Variants in ZC3H18 observed in about 807,000 individuals in gnomAD.
ZC3H18 encodes zinc finger CCCH domain-containing protein 18.
ZC3H18 carries 8 observed loss-of-function variants against 106.1 expected under a neutral mutation model. The observed-to-expected ratio is 0.08, with a 90% confidence interval of 0.04 to 0.14. The LOEUF (loss-of-function observed/expected upper bound fraction) is 0.14. Ranked by LOEUF, ZC3H18 falls within the 10% of genes least tolerant of loss-of-function variation. ZC3H18 has a pLI of 1.00. For missense variants in ZC3H18, 1,318 were observed against 1,278.4 expected, an observed-to-expected ratio of 1.03 and a Z score of -0.47; for synonymous variants, 635 against 522.1, an observed-to-expected ratio of 1.22 and a Z score of -2.95.
At chr16:88,580,092 A>T (rs979656681) in intron 2 of ZC3H18, among the ~76,000 whole-genome samples, 22 of 148,024 alleles carry the variant, frequency 1.5e-4, no homozygotes, top group African/African-American at 5.6e-4. Flanking sequence ...TTATGTGTCA[A>T]CCTCAGCATT....
Position 88,631,093 on chromosome 16 carries a change from C to A in ZC3H18, c.2664-8C>A. 3 of 1,611,418 alleles carry A rather than the reference C, an allele frequency of 1.9e-6. No homozygotes were observed. The highest frequency in any genetic ancestry group is 1.7e-6 in the Non-Finnish European group (2 of 1,179,986). ...TGGGGGCTCAAGGTCTTCCCCACCC[C>A]CTTGTAGGAAGCGCCAGCTGTCACC... is the stretch of plus-strand genomic sequence containing the variant. On this transcript the variant is annotated splice_polypyrimidine_tract_variant and splice_region_variant and intron_variant, in intron 17 of 17. Coordinates refer to ENST00000301011, the MANE Select transcript of ZC3H18 (RefSeq NM_144604.4).
chr16:88,627,411 A>G lies in ZC3H18; in HGVS notation c.2109-211A>G. On this transcript the variant is annotated intron_variant, in intron 13 of 17. Coordinates refer to ENST00000301011, the MANE Select transcript of ZC3H18 (RefSeq NM_144604.4). The surrounding 1 kb of genome is among the most constrained non-coding windows in gnomAD (Gnocchi z 4.5). The stretch of plus-strand genomic sequence containing the variant: ...AGCAGCCGTGCCTGGCTGCAACCTG[A>G]CATTGATTAGTGAAATGGGGCCCTG... 1.8e-6 allele frequency: 1 copy of G among 548,726 alleles called. No homozygotes were observed. Among genetic ancestry groups the G allele is most frequent in the Admixed American group, 3.6e-5 (1 of 27,848 alleles). 34.0% of individuals were successfully genotyped at this position (548,726 alleles called of 1,614,324 possible).
intron 16 of ZC3H18, 38 bp from the exon 17 acceptor site, chr16:88,630,447 C>T (rs371524318): frequency 2.0e-5 from 32 of 1,565,478 alleles, no homozygotes; most frequent in African/African-American, 1.3e-4. Context: ...ATTCCCTGTA[C>T]ATCAGGAGGG....
Position 88,611,549 on chromosome 16 carries a change from TC to T in ZC3H18, c.1475+15del. 1 of 1,548,434 alleles carries T rather than the reference TC, an allele frequency of 6.5e-7. No homozygotes were observed. Among genetic ancestry groups the T allele is most frequent in the Non-Finnish European group, 8.7e-7 (1 of 1,146,018 alleles). ...CGCAGCCGCCAAGGTAGACCCTGCT[TC>T]CTGAAGCCCAGGGGTGTGGGGGAGG... On this transcript the variant is annotated intron_variant, in intron 8 of 17. Coordinates refer to ENST00000301011, the MANE Select transcript of ZC3H18 (RefSeq NM_144604.4).
At chr16:88,601,953 A>G (rs1904770791) in intron 6 of ZC3H18, among the ~76,000 whole-genome samples, 1 of 152,114 alleles carries the variant, frequency 6.6e-6, no homozygotes, top group African/African-American at 2.4e-5. Context: ...TATGATTGTC[A>G]CAAAGAGCAT....
chr16:88,590,397 G>C (rs773057574), intron 3 of ZC3H18, among the ~76,000 whole-genome samples: 1 of 152,060 alleles, frequency 6.6e-6, no homozygotes. Flanking sequence ...CTTTGTGTAC[G>C]CCTGCCCGGC....
At chr16:88,624,870 G>C (rs1370625252) in intron 12 of ZC3H18, 125 bp downstream of exon 12, 1 of 1,363,044 alleles carries the variant, frequency 7.3e-7, no homozygotes, top group Non-Finnish European at 9.7e-7. Context: ...CCCCCTAGCC[G>C]AGCAGCACCC....
intron 2 of ZC3H18, among the ~76,000 whole-genome samples, chr16:88,579,320 T>C (rs1914963809): frequency 6.6e-6 from 1 of 152,094 alleles, no homozygotes. Context: ...CCCATGAGAC[T>C]GAGTTTTTGT....
chr16:88,599,761 A>C, intron 5 of ZC3H18, 30 bp from the exon 6 acceptor site: 1 of 1,597,786 alleles, frequency 6.3e-7, no homozygotes, highest in Admixed American at 1.8e-5. Context: ...ATTCTGTTCC[A>C]TGTTGACTTC....
chr16:88,586,813 TGG>T, intron 3 of ZC3H18, 129 bp downstream of exon 3: 2 of 558,796 alleles, frequency 3.6e-6, no homozygotes, highest in Non-Finnish European at 6.6e-6. Flanking sequence ...GGCTAGGTGG[TGG>T]TGGTGGTGGT....
At chr16:88,608,590 T>G (rs1905123291) in intron 6 of ZC3H18, 1 of 162,266 alleles carries the variant, frequency 6.2e-6, no homozygotes, top group Non-Finnish European at 1.3e-5. Context: ...CTCAAACTCC[T>G]GACCTCAGGT....
intron 2 of ZC3H18, among the ~76,000 whole-genome samples, chr16:88,578,420 A>AT (rs998285322): frequency 7.2e-5 from 11 of 152,182 alleles, no homozygotes; most frequent in Non-Finnish European, 1.0e-4. Context: ...TGGAAAAACT[A>AT]TGAGTGTTTC....
At chr16:88,603,016 G>A (rs1185125151) in intron 6 of ZC3H18, among the ~76,000 whole-genome samples, 3 of 151,778 alleles carry the variant, frequency 2.0e-5, no homozygotes, top group Non-Finnish European at 4.4e-5. Flanking sequence ...CCAGGCTGGA[G>A]TGTAGTGGTG....
chr16:88,626,281 G>T (rs1227931991), intron 13 of ZC3H18: 1 of 152,110 alleles, frequency 6.6e-6, no homozygotes, highest in African/African-American at 2.4e-5. Flanking sequence ...GCTGGGTATA[G>T]TGGTGTGTGC....
At chr16:88,617,909 C>T (rs1387764079) in intron 8 of ZC3H18, among the ~76,000 whole-genome samples, 2 of 152,266 alleles carry the variant, frequency 1.3e-5, no homozygotes, top group African/African-American at 4.8e-5. Flanking sequence ...GTCTCAAGAT[C>T]TCTGCTGGGA....
Position 88,577,813 on chromosome 16 carries a change from G to T in ZC3H18, c.603+87G>T, listed in dbSNP as rs1567575805. On this transcript the variant is annotated intron_variant, in intron 2 of 17. Transcript: ENST00000301011. ...GCTGGAAAGGAGGGACTCTGTGTGG[G>T]ACTGACTTAGTGATTTGTTACTAGG... is the stretch of plus-strand genomic sequence containing the variant. 3 of 1,598,840 alleles carry T rather than the reference G, an allele frequency of 1.9e-6. No individual in the cohort carries two copies. In the East Asian group the frequency reaches 6.7e-5, roughly 36 times the overall value.
chr16:88,603,050 C>T lies in ZC3H18; in HGVS notation c.1088+3102C>T, dbSNP rs371764004. 2.6e-4 allele frequency among the ~76,000 whole-genome samples: 40 copies of T among 151,820 alleles called. No individual in the cohort carries two copies. The East Asian group carries it at 3.9e-3, about 15-fold the overall frequency. On this transcript the variant is annotated intron_variant, in intron 6 of 17. Transcript: ENST00000301011. Reference sequence around the variant, plus strand: ...TGCCATCTTGGCTCACTGTAAGCTCCGCCTCCTGGGTTCACGCCATTCTCC... The same window carrying T: ...TGCCATCTTGGCTCACTGTAAGCTCTGCCTCCTGGGTTCACGCCATTCTCC...
intron 16 of ZC3H18, among the ~76,000 whole-genome samples, chr16:88,629,061 G>A (rs552053971): frequency 2.0e-5 from 3 of 152,370 alleles, no homozygotes; most frequent in Admixed American, 6.5e-5. Context: ...TAACAGGACC[G>A]GGCGTGGTGG....
chr16:88,606,404 C>T (rs1400939032), intron 6 of ZC3H18, among the ~76,000 whole-genome samples: 7 of 152,232 alleles, frequency 4.6e-5, no homozygotes, highest in Non-Finnish European at 1.5e-5. Context: ...CATTCCTATC[C>T]GCTCATCCAC....
Sources: gnomAD v4.1 joint callset for allele counts (sites outside exome capture counted in the v4.1 genomes callset) on GRCh38, gnomAD v4.1.1 for gene constraint, Gnocchi (gnomAD v3.1) non-coding constraint, MANE v1.5 for transcripts, NCBI Gene and HGNC (gene_info 2026-07-23, HGNC 2026-07-21) for gene names.